The following SERPINB7 variants were observed in gnomAD, a reference collection of about 807,000 sequenced individuals.
SERPINB7 encodes serpin family B member 7.
In SERPINB7, 31 loss-of-function variants were observed where a neutral mutation model predicts 37.4. That is an observed-to-expected ratio of 0.83 (90% CI 0.62 to 1.12). The LOEUF is 1.12. SERPINB7 is among the 50% of genes most tolerant of loss of function. The probability of loss-of-function intolerance (pLI) is 0.00; values close to 1 mark genes in which losing one functional copy is unlikely to be tolerated. For missense variants in SERPINB7, 521 were observed against 455.3 expected (o/e 1.14, Z -1.31); for synonymous variants, 163 against 166.1 (o/e 0.98, Z 0.14).
At position 63,782,499 on chromosome 18, in the gene SERPINB7, C is replaced by T. The variant is rs1234665595; in HGVS notation, c.127C>T (p.Arg43Cys). 4.3e-6 allele frequency: 7 copies of T among 1,613,616 alleles called. No homozygotes were observed. The highest frequency in any genetic ancestry group is 5.9e-6 in the Non-Finnish European group (7 of 1,179,724). Reference protein sequence around the residue: ...LSLFAALALVRLGAQDDSLSQ... With the variant: ...LSLFAALALVCLGAQDDSLSQ... Reference sequence around the variant, plus strand: ...CCTCTTCGCTGCCCTGGCCCTGGTCCGCTTGGGCGCTCAAGATGACTCCCT... The same window carrying T: ...CCTCTTCGCTGCCCTGGCCCTGGTCTGCTTGGGCGCTCAAGATGACTCCCT... The change falls in exon 2 of 8, where the codon CGC becomes TGC. Residue 43 changes from arginine to cysteine, a missense_variant. Coordinates refer to ENST00000398019, the MANE Select transcript of SERPINB7 (RefSeq NM_003784.4).
At chr18:63,797,340 C>A (rs2049499215) in intron 5 of SERPINB7, among the ~76,000 whole-genome samples, 1 of 152,138 alleles carries the variant, frequency 6.6e-6, no homozygotes, top group Non-Finnish European at 1.5e-5. Context: ...TTTATTCATT[C>A]ATTCCTCATT....
Position 63,796,278 on chromosome 18 carries a change from T to A in SERPINB7, c.349T>A (p.Cys117Ser). Residue 117 changes from cysteine (C) to serine (S), a missense_variant, in exon 5 of 8, where the codon TGT becomes AGT. Cys to Ser is a moderately radical substitution (Grantham distance 112). Transcript: ENST00000398019. Reference sequence around the variant, plus strand: ...TTCTTCTTTATAGGACTACATTGAGTGTGCCGAAAAATTATACGATGCCAA... The same window carrying A: ...TTCTTCTTTATAGGACTACATTGAGAGTGCCGAAAAATTATACGATGCCAA... Reference protein sequence around the residue: ...VYGFHKDYIECAEKLYDAKVE... With the variant: ...VYGFHKDYIESAEKLYDAKVE... 2 of 1,605,076 alleles carry A rather than the reference T, an allele frequency of 1.2e-6. No homozygotes were observed. The highest frequency in any genetic ancestry group is 1.7e-6 in the Non-Finnish European group (2 of 1,171,914).
At chr18:63,768,350 C>T (rs1039449357) in intron 1 of SERPINB7, among the ~76,000 whole-genome samples, 13 of 151,968 alleles carry the variant, frequency 8.6e-5, no homozygotes, top group Admixed American at 4.6e-4. Flanking sequence ...AAATTTGACT[C>T]GCACCATCTT....
intron 5 of SERPINB7, 65 bp downstream of exon 5, chr18:63,796,448 A>G: frequency 1.2e-6 from 1 of 862,974 alleles, no homozygotes. Flanking sequence ...CTGGGAACAA[A>G]AGCTGGGAGT....
At chr18:63,762,823 T>C (rs564074658) in intron 1 of SERPINB7, among the ~76,000 whole-genome samples, 1 of 152,324 alleles carries the variant, frequency 6.6e-6, no homozygotes, top group Admixed American at 6.5e-5. Context: ...TCTGGATTCA[T>C]TTTTATTTCT....
chr18:63,774,630 T>C (rs1242879106), upstream of SERPINB7, among the ~76,000 whole-genome samples: 2 of 152,066 alleles, frequency 1.3e-5, no homozygotes, highest in African/African-American at 4.8e-5. Context: ...TTTAACAAAC[T>C]CTAGCCTGTA....
intron 1 of SERPINB7, among the ~76,000 whole-genome samples, chr18:63,776,537 G>T (rs1955037380): frequency 6.6e-6 from 1 of 151,528 alleles, no homozygotes; most frequent in Non-Finnish European, 1.5e-5. Context: ...GTCTTGAGAA[G>T]ATGAGGGTAG....
chr18:63,757,965 G>T (rs2049131035), intron 1 of SERPINB7, among the ~76,000 whole-genome samples: 1 of 152,090 alleles, frequency 6.6e-6, no homozygotes, highest in Non-Finnish European at 1.5e-5. Flanking sequence ...GGATCAGAAG[G>T]GTGTGTTGTC....
chr18:63,762,543 T>C (rs1224154263), intron 1 of SERPINB7, among the ~76,000 whole-genome samples: 3 of 152,162 alleles, frequency 2.0e-5, no homozygotes, highest in Admixed American at 2.0e-4. Flanking sequence ...AGAGATTATA[T>C]GTATTGAGGA....
chr18:63,756,612 A>G (rs1025636101), intron 1 of SERPINB7, among the ~76,000 whole-genome samples: 4 of 152,190 alleles, frequency 2.6e-5, no homozygotes, highest in African/African-American at 9.7e-5. Context: ...ATCAGGGTGG[A>G]GGATAGGTAG....
chr18:63,786,461 A>G (rs2144621178), intron 2 of SERPINB7, among the ~76,000 whole-genome samples: 1 of 152,050 alleles, frequency 6.6e-6, no homozygotes, highest in East Asian at 1.9e-4. Context: ...AGTTGTACAA[A>G]TTTGTATTTT....
intron 4 of SERPINB7, among the ~76,000 whole-genome samples, chr18:63,793,816 T>C (rs1344398254): frequency 2.6e-5 from 4 of 152,186 alleles, no homozygotes; most frequent in Non-Finnish European, 4.4e-5. Flanking sequence ...TTATTTTTTA[T>C]GTCACTTAAG....
intron 2 of SERPINB7, among the ~76,000 whole-genome samples, chr18:63,788,828 T>C (rs776163500): frequency 2.0e-5 from 3 of 152,228 alleles, no homozygotes; most frequent in Non-Finnish European, 2.9e-5. Context: ...TTCAGTACAG[T>C]AACATGCTAT....
chr18:63,793,046 G>T (rs1457392760), intron 3 of SERPINB7, 115 bp from the exon 4 acceptor site: 5 of 481,706 alleles, frequency 1.0e-5, no homozygotes. Flanking sequence ...CATTTTTATA[G>T]TATTTAAAAA....
chr18:63,801,359 G>A (rs2049547209), intron 7 of SERPINB7, among the ~76,000 whole-genome samples: 1 of 152,132 alleles, frequency 6.6e-6, no homozygotes, highest in Admixed American at 6.6e-5. Context: ...GCTAGACTGA[G>A]CATCTTTAGG....
intron 6 of SERPINB7, among the ~76,000 whole-genome samples, chr18:63,799,674 C>G (rs2049526362): frequency 6.6e-6 from 1 of 152,172 alleles, no homozygotes; most frequent in African/African-American, 2.4e-5. Flanking sequence ...TATCACATCC[C>G]AGTCCCCATG....
rs141979762 is a variant in SERPINB7 at position 63,804,494 on chromosome 18, C to T, written c.1002C>T (p.Thr334=). Residue 334 remains threonine, a synonymous_variant, in exon 8 of 8, where the codon ACC becomes ACT. Transcript: ENST00000398019. ...KSYIEVTEEG[T]EATAATGSNI... ...ACATAGAGGTCACTGAGGAGGGCAC[C>T]GAGGCTACTGCTGCCACAGGAAGTA... is the stretch of plus-strand genomic sequence containing the variant. 1.9e-5 allele frequency: 31 copies of T among 1,613,664 alleles called. No individual in the cohort carries two copies. Among genetic ancestry groups the T allele is most frequent in the African/African-American group, 2.7e-5 (2 of 75,004 alleles).
At chr18:63,769,223 T>C (rs1403530800) in intron 1 of SERPINB7, among the ~76,000 whole-genome samples, 1 of 151,628 alleles carries the variant, frequency 6.6e-6, no homozygotes, top group Non-Finnish European at 1.5e-5. Flanking sequence ...GAAAAATTGA[T>C]TGAAAAATTT....
intron 2 of SERPINB7, 85 bp downstream of exon 2, chr18:63,782,625 G>A: frequency 7.4e-7 from 1 of 1,349,340 alleles, no homozygotes; most frequent in Admixed American, 2.0e-5. Context: ...CCATGTTAAT[G>A]GAGGTCATCA....
Sources: gnomAD v4.1 joint callset for allele counts (sites outside exome capture counted in the v4.1 genomes callset) on GRCh38, gnomAD v4.1.1 for gene constraint, MANE v1.5 for transcripts, NCBI Gene and HGNC (gene_info 2026-07-23, HGNC 2026-07-21) for gene names.